Variants in GRID2 observed in about 807,000 individuals in gnomAD.
The protein encoded by GRID2 is glutamate ionotropic receptor delta type subunit 2.
A neutral mutation model predicts 114.8 loss-of-function variants in GRID2; 33 were observed. The ratio of observed to expected loss-of-function variants is 0.29; its 90% CI spans 0.22 to 0.38. The LOEUF is 0.38. Ranked by LOEUF, GRID2 falls within the 10% of genes least tolerant of loss-of-function variation. The pLI, the probability that GRID2 is intolerant of heterozygous loss-of-function variation, is 1.00. For missense variants in GRID2, 1,184 were observed against 1,257.7 expected, an observed-to-expected ratio of 0.94 and a Z score of 0.89; for synonymous variants, 505 against 449.9, an observed-to-expected ratio of 1.12 and a Z score of -1.55.
chr4:93,567,544 C>G (rs1397671352), intron 13 of GRID2, among the ~76,000 whole-genome samples: 3 of 152,088 alleles, frequency 2.0e-5, no homozygotes, highest in Admixed American at 2.0e-4. Context: ...ATTTCCTTAT[C>G]TAGGTTAAGA....
intron 1 of GRID2, among the ~76,000 whole-genome samples, chr4:92,489,334 A>G (rs1723040794): frequency 6.6e-6 from 1 of 152,202 alleles, no homozygotes; most frequent in Non-Finnish European, 1.5e-5. Flanking sequence ...ATCAAAATAC[A>G]TCAAAATTAT....
chr4:93,269,001 A>C (rs979110822), intron 8 of GRID2, among the ~76,000 whole-genome samples: 23 of 152,292 alleles, frequency 1.5e-4, no homozygotes, highest in African/African-American at 5.3e-4. Context: ...TATGATAATG[A>C]CTGAATCTAT....
At chr4:93,198,773 C>A (rs1300907235) in intron 4 of GRID2, among the ~76,000 whole-genome samples, 1 of 152,036 alleles carries the variant, frequency 6.6e-6, no homozygotes, top group East Asian at 1.9e-4. Flanking sequence ...GCATGAAAGT[C>A]CACAGCTGTG....
chr4:93,768,482 C>T (rs1472279258), intron 14 of GRID2, among the ~76,000 whole-genome samples: 2 of 152,166 alleles, frequency 1.3e-5, no homozygotes, highest in African/African-American at 4.8e-5. Flanking sequence ...AAAGAAGCAG[C>T]AGAAGAAAAA....
chr4:93,584,436 A>C (rs2149599988), intron 13 of GRID2, among the ~76,000 whole-genome samples: 1 of 152,182 alleles, frequency 6.6e-6, no homozygotes, highest in South Asian at 2.1e-4. Context: ...TTTTGAAAAA[A>C]ATTTTCTTCC....
intron 2 of GRID2, among the ~76,000 whole-genome samples, chr4:92,594,546 C>T (rs1457995024): frequency 6.6e-6 from 1 of 151,810 alleles, no homozygotes; most frequent in Non-Finnish European, 1.5e-5. Flanking sequence ...GAAATTGCCT[C>T]CTAGTTTTTC....
chr4:93,754,098 A>G (rs1732552123), intron 14 of GRID2, among the ~76,000 whole-genome samples: 1 of 152,184 alleles, frequency 6.6e-6, no homozygotes, highest in Admixed American at 6.5e-5. Context: ...TAGTAGCACA[A>G]TGGTAAGTAT....
intron 2 of GRID2, among the ~76,000 whole-genome samples, chr4:92,817,549 TG>T (rs1344982852): frequency 6.6e-6 from 1 of 152,156 alleles, no homozygotes; most frequent in African/African-American, 2.4e-5. Flanking sequence ...TTATGAGAAT[TG>T]CTGACAATTC....
intron 2 of GRID2, among the ~76,000 whole-genome samples, chr4:93,005,002 G>C (rs1044627627): frequency 6.6e-6 from 1 of 151,846 alleles, no homozygotes; most frequent in African/African-American, 2.4e-5. Context: ...ACATGATCTA[G>C]GGACCTAGCC....
intron 2 of GRID2, among the ~76,000 whole-genome samples, chr4:92,871,929 T>C (rs1745309175): frequency 6.6e-6 from 1 of 152,156 alleles, no homozygotes; most frequent in Admixed American, 6.5e-5. Flanking sequence ...AGAGAGTAAG[T>C]CCTATTCAAT....
intron 8 of GRID2, among the ~76,000 whole-genome samples, chr4:93,383,589 C>T (rs527404362): frequency 1.4e-4 from 21 of 152,198 alleles, no homozygotes; most frequent in African/African-American, 4.8e-4. Context: ...TCTATTTTGC[C>T]AGCTTCCCAA....
chr4:92,406,573 A>C (rs2110291861), intron 1 of GRID2, among the ~76,000 whole-genome samples: 1 of 152,102 alleles, frequency 6.6e-6, no homozygotes, highest in East Asian at 1.9e-4. Flanking sequence ...ATTATAGATT[A>C]AGAGATATAC....
At chr4:92,970,917 C>T (rs1008368688) in intron 2 of GRID2, among the ~76,000 whole-genome samples, 2 of 151,490 alleles carry the variant, frequency 1.3e-5, no homozygotes, top group South Asian at 2.1e-4. Flanking sequence ...TGTTAATTAG[C>T]ATTGCATATA....
At chr4:93,463,963 T>A (rs565885470) in intron 11 of GRID2, among the ~76,000 whole-genome samples, 1 of 152,196 alleles carries the variant, frequency 6.6e-6, no homozygotes, top group South Asian at 2.1e-4. Flanking sequence ...CACTCCAGCC[T>A]GGGCGACACA....
intron 2 of GRID2, among the ~76,000 whole-genome samples, chr4:92,885,835 A>T (rs1460605136): frequency 6.6e-6 from 1 of 152,230 alleles, no homozygotes; most frequent in African/African-American, 2.4e-5. Flanking sequence ...GTTTGGAAAT[A>T]GCCCAAGTGG....
chr4:93,787,357 GA>G (rs1202186489), intron 1 of GRID2, among the ~76,000 whole-genome samples: 2 of 152,164 alleles, frequency 1.3e-5, no homozygotes, highest in East Asian at 3.9e-4. Flanking sequence ...AATAGTAGTA[GA>G]AATGAAATAA....
At chr4:93,754,092 A>G (rs1449863365) in intron 14 of GRID2, among the ~76,000 whole-genome samples, 1 of 152,198 alleles carries the variant, frequency 6.6e-6, no homozygotes, top group Non-Finnish European at 1.5e-5. Flanking sequence ...GGGTAATAGT[A>G]GCACAATGGT....
At chr4:92,827,041 C>T (rs1741753168) in intron 2 of GRID2, among the ~76,000 whole-genome samples, 1 of 151,958 alleles carries the variant, frequency 6.6e-6, no homozygotes, top group Non-Finnish European at 1.5e-5. Context: ...TATTGAAATA[C>T]ACTTCTCCCC....
intron 1 of GRID2, among the ~76,000 whole-genome samples, chr4:92,546,885 G>A (rs1307125223): frequency 6.6e-6 from 1 of 152,158 alleles, no homozygotes; most frequent in Non-Finnish European, 1.5e-5. Context: ...CTTCACCATG[G>A]ATGCTCATAG....
Sources: allele counts gnomAD v4.1 joint callset (sites outside exome capture counted in the v4.1 genomes callset), GRCh38; gene constraint gnomAD v4.1.1; transcripts MANE v1.5; gene names NCBI Gene and HGNC (gene_info 2026-07-23, HGNC 2026-07-21).